The following RMDN1 variants were observed in gnomAD, a reference collection of about 807,000 sequenced individuals.
The protein encoded by RMDN1 is regulator of microtubule dynamics 1, also known as regulator of microtubule dynamics protein 1.
A neutral mutation model predicts 48.9 loss-of-function variants in RMDN1; 48 were observed. The ratio of observed to expected loss-of-function variants is 0.98; its 90% CI spans 0.78 to 1.25. The LOEUF (loss-of-function observed/expected upper bound fraction) is 1.25, where lower values mean the gene tolerates loss of function less well. RMDN1 is among the 50% of genes most tolerant of loss of function. RMDN1 has a pLI of 0.00. For missense variants in RMDN1, 418 were observed against 373.4 expected, an observed-to-expected ratio of 1.12 and a Z score of -0.98; for synonymous variants, 148 against 132.6, an observed-to-expected ratio of 1.12 and a Z score of -0.80.
At chr8:86,496,072 G>C (rs533286058) in intron 2 of RMDN1, among the ~76,000 whole-genome samples, 1 of 152,066 alleles carries the variant, frequency 6.6e-6, no homozygotes, top group South Asian at 2.1e-4. Context: ...AAGCAAAAGA[G>C]AAATAGAATC....
At chr8:86,511,133 C>A (rs2131397587), upstream of RMDN1, among the ~76,000 whole-genome samples, 1 of 151,768 alleles carries the variant, frequency 6.6e-6, no homozygotes, top group South Asian at 2.1e-4. Flanking sequence ...CACTGCACTC[C>A]AGTCCAGGCA....
At chr8:86,506,869 T>C (rs1819446492) in intron 2 of RMDN1, 126 bp downstream of exon 2, 4 of 604,848 alleles carry the variant, frequency 6.6e-6, no homozygotes, top group Admixed American at 2.8e-5. Flanking sequence ...ACTGAGCAGA[T>C]TGTGAATATT....
downstream of RMDN1, among the ~76,000 whole-genome samples, chr8:86,469,117 T>C (rs1586547760): frequency 1.3e-5 from 2 of 151,942 alleles, no homozygotes; most frequent in Non-Finnish European, 2.9e-5. Context: ...TTCTATCTGT[T>C]AGATCAGTTT....
rs368399580 is a variant in RMDN1 at position 86,485,354 on chromosome 8, G to T, written c.496-393C>A. Reference sequence around the variant, plus strand: ...GCAGAAGAATCACTTGAACCCGGGAGATGGAGGTTGCAGTGAGCCAAGATC... The same window carrying T: ...GCAGAAGAATCACTTGAACCCGGGATATGGAGGTTGCAGTGAGCCAAGATC... On this transcript the variant is annotated intron_variant, in intron 4 of 9. Coordinates refer to ENST00000406452, the MANE Select transcript of RMDN1 (RefSeq NM_016033.3). Among the ~76,000 whole-genome samples the T allele has an allele frequency of 2.4e-4, 37 of 152,310 alleles. No individual in the cohort carries two copies. The East Asian group carries it at 5.6e-3, about 23-fold the overall frequency.
chr8:86,489,119 G>C (rs1330326144), intron 2 of RMDN1, among the ~76,000 whole-genome samples: 2 of 152,160 alleles, frequency 1.3e-5, no homozygotes, highest in African/African-American at 4.8e-5. Context: ...GAAAATAAAA[G>C]TCATCTACTT....
At chr8:86,488,687 A>C in intron 2 of RMDN1, 48 bp from the exon 3 acceptor site, 1 of 1,260,952 alleles carries the variant, frequency 7.9e-7, no homozygotes, top group Middle Eastern at 1.9e-4. Context: ...AGGTCTTCCC[A>C]AGTCAGATGA....
chr8:86,508,734 G>A (rs1563673924), upstream of RMDN1: 16 of 1,401,702 alleles, frequency 1.1e-5, no homozygotes, highest in Non-Finnish European at 1.5e-5. Flanking sequence ...CTCCTGCACA[G>A]CACCTCTTCC....
intron 5 of RMDN1, among the ~76,000 whole-genome samples, chr8:86,483,212 T>C (rs1409053262): frequency 1.3e-5 from 2 of 152,228 alleles, no homozygotes; most frequent in Non-Finnish European, 2.9e-5. Flanking sequence ...AATATTGCCA[T>C]TTAAAATATA....
chr8:86,504,673 T>A (rs1818995896), intron 2 of RMDN1: 4 of 877,088 alleles, frequency 4.6e-6, no homozygotes, highest in Non-Finnish European at 7.9e-6. Context: ...ATGAGCTTTG[T>A]CTTTATCGGG....
intron 7 of RMDN1, among the ~76,000 whole-genome samples, chr8:86,477,890 TAA>T (rs751489584): frequency 3.1e-4 from 43 of 140,344 alleles, no homozygotes; most frequent in Non-Finnish European, 2.7e-4. Flanking sequence ...TGACCTGTCT[TAA>T]AAAAAAAAAA....
At chr8:86,484,850 A>T in intron 5 of RMDN1, 22 bp downstream of exon 5, 1 of 1,459,050 alleles carries the variant, frequency 6.9e-7, no homozygotes, top group East Asian at 2.3e-5. Flanking sequence ...AAAATTCATG[A>T]ATTTGAATAA....
chr8:86,480,284 C>A lies in RMDN1; in HGVS notation c.634G>T (p.Gly212Cys). ...TTAAAGAAATTTTCTTACCAAATAC[C>A]CATAAGGTGAATTGAAGTAGCATCT... ...PKDATSIHLM[G>C]IWCYTFAEMP... Residue 212 changes from glycine to cysteine, a missense_variant, in exon 6 of 10, where the codon GGT becomes TGT. Physicochemically the swap from Gly to Cys is radical, Grantham distance 159. Coordinates refer to ENST00000406452, the MANE Select transcript of RMDN1 (RefSeq NM_016033.3). The A allele has an allele frequency of 6.5e-7, 1 of 1,529,358 alleles. No homozygotes were observed. The highest frequency in any genetic ancestry group is 2.3e-5 in the East Asian group (1 of 43,600). 94.7% of individuals were successfully genotyped at this position (1,529,358 alleles called of 1,614,324 possible). A position where few individuals can be genotyped will look rare whatever the true frequency, so the allele number is the denominator to read the frequency against.
chr8:86,469,519 G>A (rs373148379), downstream of RMDN1, among the ~76,000 whole-genome samples: 14 of 152,258 alleles, frequency 9.2e-5, 1 homozygote, highest in East Asian at 3.9e-4. Flanking sequence ...TTAGAAGACC[G>A]TCTTCTGAGA....
At chr8:86,483,255 T>G (rs13255755) in intron 5 of RMDN1, among the ~76,000 whole-genome samples, 1 of 152,146 alleles carries the variant, frequency 6.6e-6, no homozygotes, top group Admixed American at 6.5e-5. Flanking sequence ...TATAAAACAT[T>G]GTTTTTTATA....
chr8:86,475,215 CA>C (rs1290712717), intron 8 of RMDN1, among the ~76,000 whole-genome samples: 1 of 152,144 alleles, frequency 6.6e-6, no homozygotes, highest in Non-Finnish European at 1.5e-5. Flanking sequence ...TAGGTATCTC[CA>C]TTTTATAGAT....
intron 2 of RMDN1, among the ~76,000 whole-genome samples, chr8:86,501,642 C>T (rs2131197843): frequency 6.7e-6 from 1 of 149,528 alleles, no homozygotes. Flanking sequence ...CCACTGTGGC[C>T]TAAGCATCAG....
At chr8:86,508,233 CAAG>C (rs1427676494) in intron 1 of RMDN1, 34 of 425,940 alleles carry the variant, frequency 8.0e-5, no homozygotes, top group Middle Eastern at 1.2e-3. Context: ...ACATTTCGCA[CAAG>C]AAGGGCGGGT....
chr8:86,482,084 C>A, intron 5 of RMDN1: 1 of 603,088 alleles, frequency 1.7e-6, no homozygotes, highest in Non-Finnish European at 3.0e-6. Context: ...CACGCAGCTG[C>A]TCCTCTGGAC....
At chr8:86,499,724 A>G (rs1817907551) in intron 2 of RMDN1, among the ~76,000 whole-genome samples, 1 of 152,222 alleles carries the variant, frequency 6.6e-6, no homozygotes, top group South Asian at 2.1e-4. Context: ...AAAAGAGCCC[A>G]AATAGCCAAG....
Sources: allele counts gnomAD v4.1 joint callset (sites outside exome capture counted in the v4.1 genomes callset), GRCh38; gene constraint gnomAD v4.1.1; transcripts MANE v1.5; gene names NCBI Gene and HGNC (gene_info 2026-07-23, HGNC 2026-07-21).